GABRB2: variants seen among roughly 807,000 people sequenced by gnomAD.
GABRB2 encodes the protein gamma-aminobutyric acid receptor subunit beta-2.
A neutral mutation model predicts 54.7 loss-of-function variants in GABRB2; 16 were observed. The ratio of observed to expected loss-of-function variants is 0.29; its 90% CI spans 0.20 to 0.44. GABRB2 has a LOEUF of 0.44. Ranked by LOEUF, GABRB2 falls within the 20% of genes least tolerant of loss-of-function variation. The pLI is 1.00. For synonymous variants in GABRB2, 244 were observed against 233.8 expected, an observed-to-expected ratio of 1.04 and a Z score of -0.40; for missense variants, 355 against 644.0, an observed-to-expected ratio of 0.55 and a Z score of 4.86.
intron 5 of GABRB2, among the ~76,000 whole-genome samples, chr5:161,374,338 A>T (rs1755221653): frequency 6.6e-6 from 1 of 152,184 alleles, no homozygotes; most frequent in Non-Finnish European, 1.5e-5. Context: ...TCAAAATGGA[A>T]ATCTTGATTC....
chr5:161,323,235 C>G (rs1758266265), intron 9 of GABRB2, among the ~76,000 whole-genome samples: 1 of 152,102 alleles, frequency 6.6e-6, no homozygotes, highest in Non-Finnish European at 1.5e-5. Context: ...GTTGGCCAGA[C>G]TGGTCTAGAA....
intron 3 of GABRB2, among the ~76,000 whole-genome samples, chr5:161,508,540 G>C (rs1728552235): frequency 6.6e-6 from 1 of 151,818 alleles, no homozygotes; most frequent in Non-Finnish European, 1.5e-5. Flanking sequence ...CCACGATGAT[G>C]TTCCTCCTCT....
In GABRB2 at chr5:161,546,593, T is replaced by C; in HGVS notation, c.51A>G (p.Leu17=). The C allele has an allele frequency of 6.2e-7, 1 of 1,600,886 alleles. No homozygotes were observed. Among genetic ancestry groups the C allele is most frequent in the Non-Finnish European group, 8.5e-7 (1 of 1,173,120 alleles). Residue 17 remains leucine (L), a synonymous_variant, in exon 1 of 10, where the codon TTA becomes TTG. Coordinates refer to ENST00000393959, the MANE Select transcript of GABRB2 (RefSeq NM_001371727.1). The part of the protein sequence containing the change: ...RGYFGIWSFP[L]IIAAVCAQSV... The stretch of plus-strand genomic sequence containing the variant: ...TCTGCGCACAGACAGCGGCGATTAT[T>C]AAGGGGAAGGACCAAATCCCAAAGT...
chr5:161,460,270 G>A (rs112666423), intron 3 of GABRB2, among the ~76,000 whole-genome samples: 10,839 of 79,904 alleles, frequency 0.14, 385 homozygotes, highest in African/African-American at 0.21. Flanking sequence ...ATATATATAT[G>A]TGTGTGTGTG....
rs146584517 is a variant in GABRB2 at position 161,517,462 on chromosome 5, T to C, written c.237+27765A>G. ...TAAATAACTACTGTTTTGTTTCTTT[T>C]TCCCCAGTGACATAGGTTGAAGTCA... On this transcript the variant is annotated intron_variant, in intron 3 of 9. Transcript: ENST00000393959. Among the ~76,000 whole-genome samples, 21 of 152,352 alleles carry C rather than the reference T, an allele frequency of 1.4e-4. No individual in the cohort carries two copies. In the East Asian group the frequency reaches 3.9e-3, roughly 28 times the overall value.
At chr5:161,500,913 C>A (rs1759415456) in intron 3 of GABRB2, among the ~76,000 whole-genome samples, 1 of 151,990 alleles carries the variant, frequency 6.6e-6, no homozygotes, top group Admixed American at 6.6e-5. Context: ...ATACATGTTC[C>A]ATGCTAGTGC....
chr5:161,506,260 T>C (rs1413977085), intron 3 of GABRB2, among the ~76,000 whole-genome samples: 1 of 152,084 alleles, frequency 6.6e-6, no homozygotes, highest in Non-Finnish European at 1.5e-5. Flanking sequence ...AAAAGACCCA[T>C]ATCAGTGAAG....
chr5:161,469,918 CAATCTGAGAT>C (rs1758389563), intron 3 of GABRB2, among the ~76,000 whole-genome samples: 1 of 151,948 alleles, frequency 6.6e-6, no homozygotes, highest in Non-Finnish European at 1.5e-5. Context: ...CCAAAGTGAA[CAATCTGAGAT>C]AGAAAGGATG....
rs143147479 is a variant in GABRB2 at position 161,411,026 on chromosome 5, G to A, written c.490C>T (p.Leu164=). The change falls in exon 5 of 10, where the codon CTA becomes TTA. Residue 164 remains leucine (L), a synonymous_variant. Transcript: ENST00000393959. ...TGTTCATCCAGTGGGTACCTCCTTA[G>A]GTCCATCATGCAGGCAGCTGTGGTT... is the stretch of plus-strand genomic sequence containing the variant. ...ITTTAACMMD[L]RRYPLDEQNC... is the part of the protein sequence containing the mutation. The A allele has an allele frequency of 4.3e-6, 7 of 1,613,490 alleles. No homozygotes were observed. In the African/African-American group the frequency reaches 9.3e-5, roughly 22 times the overall value.
chr5:161,495,478 T>A (rs919761084), intron 3 of GABRB2, among the ~76,000 whole-genome samples: 2 of 151,368 alleles, frequency 1.3e-5, no homozygotes, highest in Admixed American at 1.3e-4. Context: ...TTTAATGAAT[T>A]TTTTTAATGA....
chr5:161,379,414 A>G (rs975055319), intron 5 of GABRB2, among the ~76,000 whole-genome samples: 2 of 152,162 alleles, frequency 1.3e-5, no homozygotes, highest in African/African-American at 4.8e-5. Context: ...TAAAGAATTT[A>G]TGCCTTTTCC....
At chr5:161,435,581 C>A (rs1757285023) in intron 4 of GABRB2, among the ~76,000 whole-genome samples, 1 of 151,818 alleles carries the variant, frequency 6.6e-6, no homozygotes, top group African/African-American at 2.4e-5. Flanking sequence ...ATTTAGGTAA[C>A]CAGAAAGGAA....
At chr5:161,354,075 C>A (rs1343616058) in intron 5 of GABRB2, among the ~76,000 whole-genome samples, 1 of 151,974 alleles carries the variant, frequency 6.6e-6, no homozygotes, top group African/African-American at 2.4e-5. Context: ...AAGACAGTAG[C>A]ACTAAGACTT....
chr5:161,402,712 G>C (rs1028403178), intron 5 of GABRB2, among the ~76,000 whole-genome samples: 1 of 152,106 alleles, frequency 6.6e-6, no homozygotes, highest in East Asian at 1.9e-4. Context: ...TATGGCCTGG[G>C]AATTTGTTAG....
At chr5:161,468,080 A>T (rs1376755438) in intron 3 of GABRB2, among the ~76,000 whole-genome samples, 1 of 152,068 alleles carries the variant, frequency 6.6e-6, no homozygotes, top group Non-Finnish European at 1.5e-5. Context: ...CTCCAATACA[A>T]ACAATCTAGT....
chr5:161,368,116 GACACACAC>G (rs11467721), intron 5 of GABRB2, among the ~76,000 whole-genome samples: 14 of 145,008 alleles, frequency 9.7e-5, no homozygotes, highest in African/African-American at 3.3e-4. Context: ...CTCCCTCTCT[GACACACAC>G]ACACACACAC....
chr5:161,393,244 A>T (rs911746872), intron 5 of GABRB2, among the ~76,000 whole-genome samples: 9 of 141,788 alleles, frequency 6.3e-5, no homozygotes, highest in Non-Finnish European at 1.4e-4. Context: ...GCCAAAAGGA[A>T]CTGCTAAGGT....
chr5:161,295,958 G>A (rs1373807662), intron 9 of GABRB2, among the ~76,000 whole-genome samples: 2 of 152,200 alleles, frequency 1.3e-5, no homozygotes, highest in African/African-American at 4.8e-5. Flanking sequence ...GCTTTAATGA[G>A]GGCTTCCTTG....
At chr5:161,450,127 C>T (rs1276360026) in intron 4 of GABRB2, among the ~76,000 whole-genome samples, 1 of 152,162 alleles carries the variant, frequency 6.6e-6, no homozygotes, top group Non-Finnish European at 1.5e-5. Flanking sequence ...GGAAGCGCAG[C>T]TGGCTTCTTC....
Sources: gnomAD v4.1 joint callset for allele counts (sites outside exome capture counted in the v4.1 genomes callset) on GRCh38, gnomAD v4.1.1 for gene constraint, MANE v1.5 for transcripts, NCBI Gene and HGNC (gene_info 2026-07-23, HGNC 2026-07-21) for gene names.